The following DACH1 variants were observed in gnomAD, a reference collection of about 807,000 sequenced individuals.
The protein encoded by DACH1 is dachshund homolog 1.
In DACH1, 12 loss-of-function variants were observed where a neutral mutation model predicts 54.2. That is an observed-to-expected ratio of 0.22 (90% CI 0.14 to 0.36). The LOEUF is 0.36. DACH1 is among the 10% of genes least tolerant of loss of function. The pLI is 1.00. For missense variants in DACH1, 805 were observed against 929.8 expected, an observed-to-expected ratio of 0.87 and a Z score of 1.75; for synonymous variants, 386 against 366.2, an observed-to-expected ratio of 1.05 and a Z score of -0.62.
chr13:71,833,741 G>A (rs80229423), intron 1 of DACH1, among the ~76,000 whole-genome samples: 13,420 of 152,000 alleles, frequency 0.088, 1,806 homozygotes, highest in African/African-American at 0.29. Flanking sequence ...GTGTCATGCA[G>A]TTTTGCCTAG....
chr13:71,580,162 C>T (rs915864778), intron 3 of DACH1, among the ~76,000 whole-genome samples: 1 of 152,186 alleles, frequency 6.6e-6, no homozygotes, highest in Non-Finnish European at 1.5e-5. Context: ...AATGTTCATA[C>T]ACACTTTGCT....
chr13:71,802,328 A>C (rs1290315255), intron 1 of DACH1, among the ~76,000 whole-genome samples: 1 of 152,138 alleles, frequency 6.6e-6, no homozygotes, highest in Admixed American at 6.6e-5. Context: ...TCTGAGTCAC[A>C]AGCAGTGGCT....
intron 1 of DACH1, among the ~76,000 whole-genome samples, chr13:71,764,506 G>T (rs1372585524): frequency 6.6e-6 from 1 of 151,702 alleles, no homozygotes; most frequent in African/African-American, 2.4e-5. Flanking sequence ...TTCAATAAAG[G>T]CACAAAGAAA....
chr13:71,484,367 A>G (rs535904729), intron 7 of DACH1, among the ~76,000 whole-genome samples: 9 of 152,088 alleles, frequency 5.9e-5, no homozygotes, highest in African/African-American at 1.9e-4. Flanking sequence ...GGGTCTCCCT[A>G]TGTTTCTCAG....
At chr13:71,781,777 T>C (rs1477926818) in intron 1 of DACH1, among the ~76,000 whole-genome samples, 1 of 152,180 alleles carries the variant, frequency 6.6e-6, no homozygotes, top group Non-Finnish European at 1.5e-5. Flanking sequence ...GGTTCAAAGA[T>C]CACTCTGGAC....
intron 1 of DACH1, among the ~76,000 whole-genome samples, chr13:71,849,480 T>G (rs368404267): frequency 4.6e-5 from 7 of 152,210 alleles, no homozygotes; most frequent in African/African-American, 1.7e-4. Context: ...GCACAATTGA[T>G]CTGATCAGCC....
At chr13:71,603,609 C>T (rs1874665972) in intron 3 of DACH1, among the ~76,000 whole-genome samples, 1 of 151,886 alleles carries the variant, frequency 6.6e-6, no homozygotes, top group Non-Finnish European at 1.5e-5. Context: ...AACTTGTTTT[C>T]TTTTCTGTGT....
rs201130005 is a variant in DACH1, at chr13:71,681,829, A to G, written c.930T>C (p.Pro310=). Residue 310 remains proline (P), a synonymous_variant, in exon 2 of 11, where the codon CCT becomes CCC. Transcript: ENST00000613252. ...GAATTATCCCAGGAGACATGAGACCAGGGACAGAATGCGGCATGATGTGAG... is the reference window on the plus strand; with the variant it reads ...GAATTATCCCAGGAGACATGAGACCGGGGACAGAATGCGGCATGATGTGAG... The part of the protein sequence containing the change: ...ENSHIMPHSV[P]GLMSPGIIPP... 15 of 1,613,852 alleles carry G rather than the reference A, an allele frequency of 9.3e-6. No individual in the cohort carries two copies. The Admixed American group carries it at 1.8e-4, about 20-fold the overall frequency.
chr13:71,524,477 G>T (rs1168864389), intron 6 of DACH1, among the ~76,000 whole-genome samples: 3 of 152,092 alleles, frequency 2.0e-5, no homozygotes, highest in East Asian at 1.9e-4. Context: ...AGATGAAGTG[G>T]CATTTTGGTC....
chr13:71,452,365 C>T (rs946371096), intron 10 of DACH1, among the ~76,000 whole-genome samples: 9 of 152,040 alleles, frequency 5.9e-5, no homozygotes, highest in Non-Finnish European at 1.2e-4. Context: ...TGGACTCATG[C>T]GACCTGCCTG....
intron 1 of DACH1, among the ~76,000 whole-genome samples, chr13:71,767,211 A>C (rs1885674632): frequency 1.3e-5 from 2 of 151,994 alleles, no homozygotes; most frequent in African/African-American, 4.8e-5. Flanking sequence ...AGTTTCTACT[A>C]TTATTTAAGT....
chr13:71,672,273 G>T (rs17088385), intron 2 of DACH1, among the ~76,000 whole-genome samples: 1 of 152,200 alleles, frequency 6.6e-6, no homozygotes, highest in Middle Eastern at 3.4e-3. Context: ...TGCAGAATAC[G>T]TTTAAATCAG....
At chr13:71,520,921 T>C (rs748184560) in intron 6 of DACH1, among the ~76,000 whole-genome samples, 22 of 152,000 alleles carry the variant, frequency 1.4e-4, no homozygotes, top group Non-Finnish European at 2.9e-4. Flanking sequence ...TAAGCATATA[T>C]ACTATATTTC....
chr13:71,675,853 T>A, intron 2 of DACH1, among the ~76,000 whole-genome samples: 1 of 152,186 alleles, frequency 6.6e-6, no homozygotes. Context: ...CTAAATGGTG[T>A]TTGTAGCATT....
intron 3 of DACH1, among the ~76,000 whole-genome samples, chr13:71,601,975 C>T (rs979618155): frequency 6.6e-6 from 1 of 151,822 alleles, no homozygotes; most frequent in Non-Finnish European, 1.5e-5. Context: ...TAAACAGTTA[C>T]AAATTTAATA....
At chr13:71,447,229 A>C (rs1874546529) in intron 10 of DACH1, among the ~76,000 whole-genome samples, 1 of 152,186 alleles carries the variant, frequency 6.6e-6, no homozygotes, top group African/African-American at 2.4e-5. Context: ...TATTTGTAAA[A>C]ATGGATCTCA....
intron 6 of DACH1, among the ~76,000 whole-genome samples, chr13:71,490,088 G>T (rs993313297): frequency 6.6e-6 from 1 of 151,994 alleles, no homozygotes; most frequent in African/African-American, 2.4e-5. Flanking sequence ...TTCATGGCAG[G>T]ATCCTCAGTT....
intron 7 of DACH1, among the ~76,000 whole-genome samples, chr13:71,488,737 A>T (rs1219056331): frequency 1.3e-5 from 2 of 151,600 alleles, no homozygotes; most frequent in Admixed American, 1.3e-4. Flanking sequence ...AGACAGAATG[A>T]ATTTTAAAGG....
At chr13:71,508,052 T>C (rs545170952) in intron 6 of DACH1, among the ~76,000 whole-genome samples, 11 of 152,304 alleles carry the variant, frequency 7.2e-5, no homozygotes, top group African/African-American at 2.6e-4. Context: ...ATTGCACTCA[T>C]GTTTTCTAAG....
Sources: allele counts gnomAD v4.1 joint callset (sites outside exome capture counted in the v4.1 genomes callset), GRCh38; gene constraint gnomAD v4.1.1; transcripts MANE v1.5; gene names NCBI Gene and HGNC (gene_info 2026-07-23, HGNC 2026-07-21).